The following ABCF3 variants were observed in gnomAD, a reference collection of about 807,000 sequenced individuals.
ABCF3 encodes ATP binding cassette subfamily F member 3.
Under a neutral mutation model 94.3 loss-of-function variants are expected in ABCF3, and 62 were observed. The observed-to-expected ratio is 0.66, with a 90% CI of 0.54 to 0.81. ABCF3 has a LOEUF of 0.81. ABCF3 is among the 40% of genes least tolerant of loss of function. The pLI is 0.00. For synonymous variants in ABCF3, 355 were observed against 361.1 expected (o/e 0.98, Z 0.19); for missense variants, 843 against 925.3 (o/e 0.91, Z 1.15).
chr3:184,193,142 TG>T lies in ABCF3; in HGVS notation c.1793del (p.Gly598AlafsTer27). On this transcript the variant is annotated frameshift_variant, in exon 19 of 21. Coordinates refer to ENST00000429586, the MANE Select transcript of ABCF3 (RefSeq NM_018358.3). LOFTEE classifies it high-confidence loss of function. This position sits in a 1 kb window ranked among gnomAD's most constrained non-coding sequence, Gnocchi z 5.2. ...AGTACCGTCACCAGCTGGGTCGGTATGGCATCTCCGGAGAACTGGCCATGCG... is the reference window on the plus strand; with the variant it reads ...AGTACCGTCACCAGCTGGGTCGGTATGCATCTCCGGAGAACTGGCCATGCG... ...EEYRHQLGRY[G>X]ISGELAMRPL... The T allele has an allele frequency of 6.4e-7, 1 of 1,559,230 alleles. No individual in the cohort carries two copies. The highest frequency in any genetic ancestry group is 1.2e-5 in the South Asian group (1 of 81,186).
chr3:184,192,572 C>CTGTGT (rs1716095909), intron 16 of ABCF3, 29 bp from the exon 17 acceptor site: 1 of 1,587,060 alleles, frequency 6.3e-7, no homozygotes, highest in African/African-American at 1.4e-5. Flanking sequence ...TTCTGGCACA[C>CTGTGT]ACTGTATGAC....
chr3:184,189,228 C>G (rs771057197), intron 10 of ABCF3, 27 bp from the exon 11 acceptor site: 3 of 1,614,144 alleles, frequency 1.9e-6, no homozygotes, highest in Non-Finnish European at 2.5e-6. Flanking sequence ...TGACCTAAAA[C>G]CTCAGGCCAT....
Position 184,186,847 on chromosome 3 carries a change from C to T in ABCF3, c.273C>T (p.Ile91=). The T allele has an allele frequency of 6.2e-7, 1 of 1,613,994 alleles. No individual in the cohort carries two copies. The highest frequency in any genetic ancestry group is 8.5e-7 in the Non-Finnish European group (1 of 1,179,954). The part of the protein sequence containing the change: ...GNSQVLLDAP[I]QLSKITENYD... ...GCCAGGTGCTACTGGACGCCCCTAT[C>T]CAGTTGTCAAAGATAACGGAGAACT... Residue 91 remains isoleucine (I), a synonymous_variant, in exon 3 of 21, where the codon ATC becomes ATT. Coordinates refer to ENST00000429586, the MANE Select transcript of ABCF3 (RefSeq NM_018358.3).
intron 7 of ABCF3, 96 bp from the exon 8 acceptor site, chr3:184,188,665 C>G: frequency 7.7e-7 from 1 of 1,300,228 alleles, no homozygotes; most frequent in Non-Finnish European, 1.1e-6. Flanking sequence ...CTCTTCCAGC[C>G]ACAAGGTAGC....
chr3:184,187,518 TG>T (rs953208959), intron 4 of ABCF3, 75 bp downstream of exon 4: 3 of 1,556,626 alleles, frequency 1.9e-6, no homozygotes, highest in African/African-American at 1.4e-5. Context: ...GAGTATCTTT[TG>T]GGGGGATTTC....
chr3:184,193,461 G>T lies in ABCF3; in HGVS notation c.1971+9G>T, dbSNP rs1277030121. On this transcript the variant is annotated intron_variant, in intron 20 of 20. Transcript: ENST00000429586. The surrounding 1 kb of genome is among the most constrained non-coding windows in gnomAD (Gnocchi z 5.2). ...CCCTCAACAATTTCAGGGTGAGTGT[G>T]CCTTCACCCTGACCACTCCTCCCAG... 6.2e-7 allele frequency: 1 copy of T among 1,614,088 alleles called. No homozygotes were observed. The highest frequency in any genetic ancestry group is 2.2e-5 in the East Asian group (1 of 44,870).
chr3:184,190,005 G>T, intron 14 of ABCF3, 74 bp downstream of exon 14: 2 of 1,518,736 alleles, frequency 1.3e-6, no homozygotes, highest in Non-Finnish European at 1.8e-6. Context: ...CGCCACCCTT[G>T]CCCTACCATT....
intron 4 of ABCF3, 49 bp from the exon 5 acceptor site, chr3:184,187,615 C>T (rs746231936): frequency 1.2e-6 from 2 of 1,607,442 alleles, no homozygotes. Context: ...CTTGGGGTTC[C>T]TTTCTGAGCC....
chr3:184,193,004 G>A lies in ABCF3; in HGVS notation c.1751-98G>A, dbSNP rs1383790840. The A allele has an allele frequency of 1.3e-6, 2 of 1,558,740 alleles. No homozygotes were observed. Among genetic ancestry groups the A allele is most frequent in the African/African-American group, 2.7e-5 (2 of 73,612 alleles). On this transcript the variant is annotated intron_variant, in intron 18 of 20. Coordinates refer to ENST00000429586, the MANE Select transcript of ABCF3 (RefSeq NM_018358.3). This position sits in a 1 kb window ranked among gnomAD's most constrained non-coding sequence, Gnocchi z 5.2. ...GGTGCGTGCAGAGCAGCCCCGCCAA[G>A]CCTAGATGGAAGGACATGGGGACTT...
chr3:184,187,173 T>G (rs1715685103), intron 3 of ABCF3: 1 of 652,624 alleles, frequency 1.5e-6, no homozygotes, highest in Admixed American at 2.6e-5. Context: ...AAGAGTTGGT[T>G]ATCTGTCCCC....
intron 14 of ABCF3, 45 bp from the exon 15 acceptor site, chr3:184,190,954 A>T (rs752085856): frequency 1.2e-6 from 2 of 1,606,202 alleles, no homozygotes; most frequent in Non-Finnish European, 1.7e-6. Flanking sequence ...GTAGGAAGTT[A>T]TTTTTTTAAG....
rs1260627631 is a variant in ABCF3 at position 184,187,974 on chromosome 3, T to C, written c.560T>C (p.Phe187Ser). ...CGAATTGAGAACTTTGATGTGTCTT[T>C]TGGCGATAGGTGAGGGAATAGTGGT... ...DVRIENFDVS[F>S]GDRVLLAGAD... Residue 187 changes from phenylalanine (F) to serine (S), a missense_variant, in exon 6 of 21, where the codon TTT becomes TCT. Transcript: ENST00000429586. 1.9e-6 allele frequency: 3 copies of C among 1,613,880 alleles called. No homozygotes were observed.
rs1716165671 is a variant in ABCF3 at position 184,193,563 on chromosome 3, C to T, written c.1995C>T (p.His665=). 1.9e-6 allele frequency: 3 copies of T among 1,614,028 alleles called. No homozygotes were observed. The highest frequency in any genetic ancestry group is 2.2e-5 in the East Asian group (1 of 44,896). ...AGGGTGGTGTGATTCTGGTGTCCCA[C>T]GATGAGCGCTTTATCAGGCTGGTGT... is the stretch of plus-strand genomic sequence containing the variant. ...NFRGGVILVS[H]DERFIRLVCR... The change falls in exon 21 of 21, where the codon CAC becomes CAT. Residue 665 remains histidine (H), a synonymous_variant. Coordinates refer to ENST00000429586, the MANE Select transcript of ABCF3 (RefSeq NM_018358.3). The surrounding 1 kb of genome is among the most constrained non-coding windows in gnomAD (Gnocchi z 5.2).
chr3:184,190,282 T>C (rs1715937768), intron 14 of ABCF3: 2 of 309,192 alleles, frequency 6.5e-6, no homozygotes, highest in Non-Finnish European at 1.2e-5. Context: ...TCATTTCTTT[T>C]CGTGGCTGGA....
chr3:184,190,056 C>A (rs1715919592), intron 14 of ABCF3, 125 bp downstream of exon 14: 2 of 1,006,164 alleles, frequency 2.0e-6, no homozygotes, highest in Non-Finnish European at 3.0e-6. Flanking sequence ...TGACTTCCTC[C>A]TCTGCTGGGA....
intron 6 of ABCF3, 63 bp downstream of exon 6, chr3:184,188,046 G>A (rs1715755290): frequency 1.2e-6 from 2 of 1,612,866 alleles, no homozygotes; most frequent in Non-Finnish European, 1.7e-6. Context: ...ATTTGGAGAG[G>A]TGAAACGGGG....
At chr3:184,190,581 G>C (rs528184568) in intron 14 of ABCF3, 1 of 164,152 alleles carries the variant, frequency 6.1e-6, no homozygotes, top group Admixed American at 6.0e-5. Flanking sequence ...ATTTCTCCAT[G>C]TCTTTGGCAG....
rs747832907 is a variant in ABCF3 at position 184,188,827 on chromosome 3, C to T, written c.903C>T (p.Asp301=). ...CCAAACTGGAGGAGATTGAGGCTGA[C>T]AAGGCACCTGCCAGGTATTTAAAGC... ...IYAKLEEIEA[D]KAPARASVIL... is the part of the protein sequence containing the mutation. Residue 301 remains aspartate (D), a synonymous_variant, in exon 8 of 21, where the codon GAC becomes GAT. Coordinates refer to ENST00000429586, the MANE Select transcript of ABCF3 (RefSeq NM_018358.3). 3.1e-6 allele frequency: 5 copies of T among 1,613,986 alleles called. No homozygotes were observed. In the Middle Eastern group the frequency reaches 4.9e-4, roughly 160 times the overall value.
Position 184,189,408 on chromosome 3 carries a change from G to T in ABCF3, c.1078G>T (p.Val360Phe). The change falls in exon 12 of 21, where the codon GTC becomes TTC. Residue 360 changes from valine (V) to phenylalanine (F), a missense_variant. Transcript: ENST00000429586. ...LLDEPTNMLDVRAILWLENYL... is the reference protein window; with the variant it reads ...LLDEPTNMLDFRAILWLENYL... ...TCCAGAACCTACAAACATGCTGGAT[G>T]TCAGGGCCATCCTGTGGCTGGAGAA... 6.2e-7 allele frequency: 1 copy of T among 1,614,136 alleles called. No individual in the cohort carries two copies. Among genetic ancestry groups the T allele is most frequent in the Non-Finnish European group, 8.5e-7 (1 of 1,180,034 alleles).
Sources: allele counts gnomAD v4.1 joint callset, GRCh38; gene constraint gnomAD v4.1.1; non-coding constraint Gnocchi (gnomAD v3.1); transcripts MANE v1.5; gene names NCBI Gene and HGNC (gene_info 2026-07-23, HGNC 2026-07-21).